The following PTPRD variants were observed in gnomAD, a reference collection of about 807,000 sequenced individuals.
The protein encoded by PTPRD is protein tyrosine phosphatase receptor type D.
A neutral mutation model predicts 214.5 loss-of-function variants in PTPRD; 34 were observed. That is an observed-to-expected ratio of 0.16 (90% confidence interval 0.12 to 0.21). The LOEUF (loss-of-function observed/expected upper bound fraction) is 0.21, where lower values mean the gene tolerates loss of function less well. Among genes scored for constraint, PTPRD ranks in the 10% least tolerant of loss-of-function variants. The pLI, the probability that PTPRD is intolerant of heterozygous loss-of-function variation, is 1.00. For missense variants in PTPRD, 2,545 were observed against 2,398.7 expected, an observed-to-expected ratio of 1.06 and a Z score of -1.27; for synonymous variants, 1,128 against 845.7, an observed-to-expected ratio of 1.33 and a Z score of -5.79.
chr9:9,003,080 G>A (rs541121830), intron 11 of PTPRD, among the ~76,000 whole-genome samples: 27 of 151,902 alleles, frequency 1.8e-4, no homozygotes, highest in Middle Eastern at 3.2e-3. Flanking sequence ...CTGGATCATC[G>A]CCCCTTTCAG....
chr9:8,952,675 C>A (rs2099109176), intron 11 of PTPRD, among the ~76,000 whole-genome samples: 1 of 151,680 alleles, frequency 6.6e-6, no homozygotes, highest in Admixed American at 6.6e-5. Context: ...GCAGAGGTAT[C>A]TTTACAGGAA....
chr9:10,183,937 C>T (rs550245027), intron 3 of PTPRD, among the ~76,000 whole-genome samples: 2 of 152,302 alleles, frequency 1.3e-5, no homozygotes, highest in African/African-American at 4.8e-5. Flanking sequence ...ATTTTCCCCT[C>T]ACATACAATA....
intron 11 of PTPRD, among the ~76,000 whole-genome samples, chr9:8,969,320 T>C (rs1282849561): frequency 6.6e-6 from 1 of 152,086 alleles, no homozygotes. Flanking sequence ...TGGCAGTCCT[T>C]TGGCAAATTC....
intron 11 of PTPRD, among the ~76,000 whole-genome samples, chr9:8,973,275 C>T (rs574178216): frequency 2.7e-4 from 41 of 152,000 alleles, no homozygotes; most frequent in East Asian, 7.8e-4. Context: ...TGTCCCTGCG[C>T]GCTCAATGTT....
Position 8,446,214 on chromosome 9 carries a change from C to G in PTPRD, c.3988+3511G>C, listed in dbSNP as rs1238784953. On this transcript the variant is annotated intron_variant, in intron 34 of 45. Coordinates refer to ENST00000381196, the MANE Select transcript of PTPRD (RefSeq NM_002839.4). ...GTTTGTGGTACTGCATTTAAGGGTA[C>G]AGTTCTTTGACGTACTTAGATTGTT... Among the ~76,000 whole-genome samples, 3 of 152,216 alleles carry G rather than the reference C, an allele frequency of 2.0e-5. 1 individual carries two copies. In the Middle Eastern group the frequency reaches 0.01, roughly 518 times the overall value.
At chr9:9,231,311 T>C (rs1437138196) in intron 9 of PTPRD, among the ~76,000 whole-genome samples, 1 of 152,192 alleles carries the variant, frequency 6.6e-6, no homozygotes, top group African/African-American at 2.4e-5. Flanking sequence ...CTTAACTCTT[T>C]GGCTGGAAAA....
At chr9:10,481,098 G>GA (rs1275582989) in intron 2 of PTPRD, among the ~76,000 whole-genome samples, 8 of 150,194 alleles carry the variant, frequency 5.3e-5, no homozygotes, top group South Asian at 4.2e-4. Flanking sequence ...TCCTGCTCAA[G>GA]AAAAAAAAGG....
intron 3 of PTPRD, among the ~76,000 whole-genome samples, chr9:10,283,623 T>C (rs2095235058): frequency 6.6e-6 from 1 of 152,320 alleles, no homozygotes; most frequent in African/African-American, 2.4e-5. Flanking sequence ...AATCTATTCA[T>C]CAGTAAACAG....
intron 8 of PTPRD, among the ~76,000 whole-genome samples, chr9:9,532,515 G>T (rs1163216109): frequency 1.3e-5 from 2 of 152,142 alleles, no homozygotes; most frequent in Non-Finnish European, 2.9e-5. Flanking sequence ...AAGCACAGAT[G>T]TAACAGTGGT....
At chr9:10,271,688 G>A (rs1016937890) in intron 3 of PTPRD, among the ~76,000 whole-genome samples, 2 of 151,620 alleles carry the variant, frequency 1.3e-5, no homozygotes, top group Admixed American at 6.6e-5. Flanking sequence ...CATTATCGGC[G>A]TCTGCCACCA....
chr9:9,476,133 G>A (rs956922715), intron 8 of PTPRD, among the ~76,000 whole-genome samples: 3 of 152,168 alleles, frequency 2.0e-5, no homozygotes, highest in Non-Finnish European at 4.4e-5. Context: ...GTAGTGATAT[G>A]TCTGCCTCAA....
In PTPRD at chr9:9,304,819, G is replaced by C. The variant is rs1330353322; in HGVS notation, c.-203+92630C>G. On this transcript the variant is annotated intron_variant, in intron 9 of 45. Transcript: ENST00000381196. Reference sequence around the variant, plus strand: ...TCTTATTGTTCATTCACAGGTTTCTGTTTAATCTCCACCCTCCAACGTTCT... The same window carrying C: ...TCTTATTGTTCATTCACAGGTTTCTCTTTAATCTCCACCCTCCAACGTTCT... Among the ~76,000 whole-genome samples the C allele has an allele frequency of 2.0e-5, 3 of 150,890 alleles. No individual in the cohort carries two copies. The Admixed American group carries it at 2.0e-4, about 10-fold the overall frequency.
chr9:8,347,756 C>G (rs1171605694), intron 39 of PTPRD, among the ~76,000 whole-genome samples: 3 of 152,106 alleles, frequency 2.0e-5, no homozygotes, highest in Admixed American at 6.6e-5. Context: ...GGAAGAGACA[C>G]CAGAGATCTT....
At chr9:8,795,886 T>C (rs549075602) in intron 11 of PTPRD, among the ~76,000 whole-genome samples, 1 of 152,190 alleles carries the variant, frequency 6.6e-6, no homozygotes, top group South Asian at 2.1e-4. Flanking sequence ...ACAAAATGCA[T>C]AAAAGTATGC....
rs1298546306 is a variant in PTPRD, at chr9:8,316,786, C to CTCATT, written c.*1083_*1087dup. ...GACAATCAATCACTGATGTGCATTC[C>CTCATT]TCATTTCCCTTTAAAGAAATACCAA... On this transcript the variant is annotated 3_prime_UTR_variant, in exon 46 of 46. Coordinates refer to ENST00000381196, the MANE Select transcript of PTPRD (RefSeq NM_002839.4). 1 of 230,972 alleles carries CTCATT rather than the reference C, an allele frequency of 4.3e-6. No homozygotes were observed. Among genetic ancestry groups the CTCATT allele is most frequent in the Non-Finnish European group, 8.6e-6 (1 of 116,608 alleles). The allele number at this position is 230,972 out of a possible 1,614,324, so 14.3% of individuals were successfully genotyped here.
intron 10 of PTPRD, among the ~76,000 whole-genome samples, chr9:9,058,510 G>A (rs113141898): frequency 0.042 from 5,476 of 131,654 alleles, 400 homozygotes; most frequent in African/African-American, 0.15. Context: ...GTGCAGAGGC[G>A]CGATCTCGGC....
chr9:9,388,868 G>A (rs1055967611), intron 9 of PTPRD, among the ~76,000 whole-genome samples: 1 of 152,034 alleles, frequency 6.6e-6, no homozygotes, highest in Non-Finnish European at 1.5e-5. Context: ...ATAAGGGAAT[G>A]CAATAATATT....
chr9:8,656,973 A>C (rs542030136), intron 12 of PTPRD, among the ~76,000 whole-genome samples: 1 of 152,288 alleles, frequency 6.6e-6, no homozygotes, highest in South Asian at 2.1e-4. Context: ...GTAAAGATGA[A>C]AGTTTATGAA....
At chr9:10,602,422 TA>T (rs200931296) in intron 2 of PTPRD, among the ~76,000 whole-genome samples, 1,915 of 151,856 alleles carry the variant, frequency 0.013, 33 homozygotes, top group African/African-American at 0.043. Flanking sequence ...TTCAACTTTT[TA>T]AAAAAATTTG....
Sources: gnomAD v4.1 joint callset for allele counts (sites outside exome capture counted in the v4.1 genomes callset) on GRCh38, gnomAD v4.1.1 for gene constraint, MANE v1.5 for transcripts, NCBI Gene and HGNC (gene_info 2026-07-23, HGNC 2026-07-21) for gene names.